Variants in ZFAT observed in about 807,000 individuals in gnomAD.
ZFAT encodes the protein zinc finger and AT-hook domain containing.
In ZFAT, 64 loss-of-function variants were observed where a neutral mutation model predicts 117.7. The observed-to-expected ratio is 0.54, with a 90% confidence interval of 0.44 to 0.67. The LOEUF is 0.67. ZFAT is among the 30% of genes least tolerant of loss of function. ZFAT has a pLI of 0.00. For missense variants in ZFAT, 1,433 were observed against 1,584.5 expected, an observed-to-expected ratio of 0.90 and a Z score of 1.62; for synonymous variants, 679 against 615.0, an observed-to-expected ratio of 1.10 and a Z score of -1.54.
At chr8:134,743,742 A>G in the ZFAT span, among the ~76,000 whole-genome samples, 1 of 152,034 alleles carries the variant, frequency 6.6e-6, no homozygotes, top group African/African-American at 2.4e-5. Flanking sequence ...TTGCCCCAGA[A>G]GCGTCTGTCT....
At chr8:134,531,313 C>A (rs1045539723) in intron 12 of ZFAT, among the ~76,000 whole-genome samples, 1 of 152,072 alleles carries the variant, frequency 6.6e-6, no homozygotes, top group African/African-American at 2.4e-5. Context: ...GTGAAGGATG[C>A]GAAAAAGAAT....
At chr8:134,815,861 C>T in the ZFAT span, among the ~76,000 whole-genome samples, 5 of 152,184 alleles carry the variant, frequency 3.3e-5, no homozygotes, top group East Asian at 1.9e-4. Context: ...TTTATTACCA[C>T]GCACTCTTTG....
upstream of ZFAT, chr8:134,713,085 G>T (rs1814087110): frequency 6.5e-6 from 3 of 462,468 alleles, no homozygotes; most frequent in South Asian, 1.2e-4. Flanking sequence ...GCGGACGTCC[G>T]CTTCGGGTGA....
At chr8:134,822,711 T>A in the ZFAT span, among the ~76,000 whole-genome samples, 2 of 152,122 alleles carry the variant, frequency 1.3e-5, no homozygotes, top group Admixed American at 1.3e-4. Flanking sequence ...TGGAAAAAAC[T>A]CTTCTTCCCT....
chr8:134,757,089 T>C, the ZFAT span, among the ~76,000 whole-genome samples: 2 of 141,668 alleles, frequency 1.4e-5, no homozygotes, highest in African/African-American at 2.6e-5. Context: ...CAATCTGGGC[T>C]CACTGCAACC....
At chr8:134,520,708 T>C (rs1454892913) in intron 13 of ZFAT, among the ~76,000 whole-genome samples, 175 bp downstream of exon 13, 3 of 152,182 alleles carry the variant, frequency 2.0e-5, no homozygotes, top group Non-Finnish European at 4.4e-5. Context: ...GGCCCAGATC[T>C]TAACCCAGTT....
upstream of ZFAT, among the ~76,000 whole-genome samples, chr8:134,713,420 TCA>T (rs2131376838): frequency 6.6e-6 from 1 of 152,368 alleles, no homozygotes; most frequent in South Asian, 2.1e-4. Context: ...TTTCTTGCTC[TCA>T]GTTTACTGAT....
intron 3 of ZFAT, among the ~76,000 whole-genome samples, chr8:134,613,413 G>A (rs899845034): frequency 5.9e-5 from 9 of 152,296 alleles, no homozygotes; most frequent in African/African-American, 2.2e-4. Flanking sequence ...CTGCAGAACC[G>A]GGGGGCTGGA....
At chr8:134,506,261 T>A (rs1819401610) in intron 15 of ZFAT, among the ~76,000 whole-genome samples, 2 of 152,210 alleles carry the variant, frequency 1.3e-5, no homozygotes, top group African/African-American at 4.8e-5. Context: ...ATGAAAACTG[T>A]CAGGTTTAAC....
the ZFAT span, among the ~76,000 whole-genome samples, chr8:134,813,799 TATACACAC>T: frequency 9.9e-6 from 1 of 101,064 alleles, no homozygotes; most frequent in Non-Finnish European, 2.0e-5. Flanking sequence ...GTTTTGATTT[TATACACAC>T]ACACACACAC....
chr8:134,726,627 C>G, the ZFAT span, among the ~76,000 whole-genome samples: 1 of 152,162 alleles, frequency 6.6e-6, no homozygotes, highest in East Asian at 1.9e-4. Flanking sequence ...TGGGGTCTCA[C>G]TCTGTCACCC....
the ZFAT span, among the ~76,000 whole-genome samples, chr8:134,776,010 T>C: frequency 4.5e-3 from 683 of 152,336 alleles, 2 homozygotes; most frequent in Middle Eastern, 0.014. Flanking sequence ...GCCATCTTCA[T>C]CTTTATGATA....
rs774126517 is a variant in ZFAT at position 134,601,495 on chromosome 8, G to A, written c.2224C>T (p.Leu742=). Reference sequence around the variant, plus strand: ...TCCTTACCACAGTATTCACACTCCAGGTCTCCATAAACCTTCCGGATCCGC... The same window carrying A: ...TCCTTACCACAGTATTCACACTCCAAGTCTCCATAAACCTTCCGGATCCGC... The part of the protein sequence containing the change: ...CERIRKVYGD[L]ECEYCGKLFW... Residue 742 remains leucine (L), a synonymous_variant, in exon 6 of 16, where the codon CTG becomes TTG. Transcript: ENST00000377838. The A allele has an allele frequency of 2.5e-6, 4 of 1,612,558 alleles. No homozygotes were observed. Among genetic ancestry groups the A allele is most frequent in the African/African-American group, 1.3e-5 (1 of 74,888 alleles).
rs1357837919 is a variant in ZFAT, at chr8:134,601,643, C to G, written c.2076G>C (p.Gly692=). The G allele has an allele frequency of 6.2e-7, 1 of 1,614,078 alleles. No homozygotes were observed. Among genetic ancestry groups the G allele is most frequent in the African/African-American group, 1.3e-5 (1 of 74,932 alleles). Residue 692 remains glycine (G), a synonymous_variant, in exon 6 of 16, where the codon GGG becomes GGC. Transcript: ENST00000377838. The part of the protein sequence containing the change: ...SDLLPPVAGG[G]DTITHQPDSC... ...AGTCAGGCTGATGTGTGATGGTGTC[C>G]CCACCACCAGCTACTGGAGGGAGGA... is the stretch of plus-strand genomic sequence containing the variant.
the ZFAT span, among the ~76,000 whole-genome samples, chr8:134,817,521 T>C: frequency 5.9e-5 from 9 of 151,616 alleles, no homozygotes. Context: ...TTGCATCCTA[T>C]AAACTACCAA....
intron 1 of ZFAT, among the ~76,000 whole-genome samples, chr8:134,704,250 C>G (rs1382661026): frequency 1.3e-5 from 2 of 152,192 alleles, no homozygotes; most frequent in Non-Finnish European, 2.9e-5. Flanking sequence ...TGCACCAACT[C>G]AGAAACAAAA....
chr8:134,732,248 C>T, the ZFAT span, among the ~76,000 whole-genome samples: 1 of 152,244 alleles, frequency 6.6e-6, no homozygotes, highest in African/African-American at 2.4e-5. Context: ...ACCATGGGCA[C>T]AGCTGGGACA....
the ZFAT span, chr8:134,785,167 G>C: frequency 1.3e-5 from 2 of 152,158 alleles, no homozygotes; most frequent in African/African-American, 4.8e-5. Flanking sequence ...CTCCTAGTGA[G>C]CTAAAACATT....
intron 10 of ZFAT, among the ~76,000 whole-genome samples, chr8:134,583,460 G>A (rs773773398): frequency 3.9e-5 from 6 of 152,220 alleles, no homozygotes; most frequent in African/African-American, 1.2e-4. Flanking sequence ...CAGGCCAGGT[G>A]TGATCAAGGT....
Sources: allele counts gnomAD v4.1 joint callset (sites outside exome capture counted in the v4.1 genomes callset), GRCh38; gene constraint gnomAD v4.1.1; transcripts MANE v1.5; gene names NCBI Gene and HGNC (gene_info 2026-07-23, HGNC 2026-07-21).